PXDNL: variants seen among roughly 807,000 people sequenced by gnomAD.
PXDNL encodes the protein probable oxidoreductase PXDNL.
A neutral mutation model predicts 150.8 loss-of-function variants in PXDNL; 145 were observed. That is an observed-to-expected ratio of 0.96 (90% CI 0.84 to 1.10). The LOEUF (loss-of-function observed/expected upper bound fraction) is 1.10, where lower values mean the gene tolerates loss of function less well. PXDNL is among the 50% of genes least tolerant of loss of function. The probability of loss-of-function intolerance (pLI) is 0.00; values close to 1 mark genes in which losing one functional copy is unlikely to be tolerated. For missense variants in PXDNL, 2,087 were observed against 1,873.9 expected (o/e 1.11, Z -2.10); for synonymous variants, 757 against 725.7 (o/e 1.04, Z -0.69).
chr8:51,455,576 T>C (rs1250614313), intron 9 of PXDNL, among the ~76,000 whole-genome samples: 1 of 152,054 alleles, frequency 6.6e-6, no homozygotes, highest in South Asian at 2.1e-4. Flanking sequence ...AGGACAGCGC[T>C]ATAAGGAACA....
intron 3 of PXDNL, among the ~76,000 whole-genome samples, chr8:51,563,861 G>A (rs925801348): frequency 6.6e-6 from 1 of 151,876 alleles, no homozygotes; most frequent in African/African-American, 2.4e-5. Flanking sequence ...ACAGAGCAAT[G>A]TAACTTTCTA....
At chr8:51,699,387 C>G (rs942985503) in intron 1 of PXDNL, among the ~76,000 whole-genome samples, 1 of 152,198 alleles carries the variant, frequency 6.6e-6, no homozygotes, top group African/African-American at 2.4e-5. Flanking sequence ...CTAGCTTTCT[C>G]AAATCTCCCA....
intron 12 of PXDNL, among the ~76,000 whole-genome samples, chr8:51,437,210 A>C (rs1809428302): frequency 1.3e-5 from 2 of 152,184 alleles, no homozygotes; most frequent in South Asian, 4.1e-4. Context: ...GTAATAAAAA[A>C]TTTGTCAACA....
At position 51,423,646 on chromosome 8, in the gene PXDNL, T is replaced by C. The variant is rs1809014289; in HGVS notation, c.1724A>G (p.Gln575Arg). The C allele has an allele frequency of 6.2e-7, 1 of 1,613,856 alleles. No homozygotes were observed. The highest frequency in any genetic ancestry group is 8.5e-7 in the Non-Finnish European group (1 of 1,179,868). Residue 575 changes from glutamine to arginine, a missense_variant, in exon 14 of 23, where the codon CAG becomes CGG. Gln to Arg is a conservative substitution (Grantham distance 43). Transcript: ENST00000356297. ...LTIYDAGFPD[Q>R]GRYECVARNS... ...CCGAGCCACACATTCATATCTTCCC[T>C]GGTCAGGGAACCCTGCGTCGTAGAT... is the stretch of plus-strand genomic sequence containing the variant.
rs1279460078 is a variant in PXDNL, at chr8:51,809,373, A to AAGCAGCCGGAGGGAGAGC, written c.-47_-30dup. On this transcript the variant is annotated 5_prime_UTR_variant, in exon 1 of 23. Transcript: ENST00000356297. ...TCCATTCGCTGCTGGCCACGCGAAG[A>AAGCAGCCGGAGGGAGAGC]AGCAGCCGGAGGGAGAGCAGCAGCT... The AAGCAGCCGGAGGGAGAGC allele has an allele frequency of 7.9e-6, 12 of 1,512,084 alleles. No homozygotes were observed. The highest frequency in any genetic ancestry group is 6.9e-5 in the Admixed American group (3 of 43,356). The allele number at this position is 1,512,084 out of a possible 1,614,324, so 93.7% of individuals were successfully genotyped here. A position where few individuals can be genotyped will look rare whatever the true frequency, so the allele number is the denominator to read the frequency against.
At chr8:51,763,320 TAA>T (rs58440027) in intron 1 of PXDNL, among the ~76,000 whole-genome samples, 25 of 141,664 alleles carry the variant, frequency 1.8e-4, no homozygotes, top group African/African-American at 2.3e-4. Flanking sequence ...CTTAAAGTAT[TAA>T]AAAAAAAAAA....
chr8:51,584,109 G>A (rs948132462), intron 3 of PXDNL, among the ~76,000 whole-genome samples: 37 of 152,148 alleles, frequency 2.4e-4, no homozygotes, highest in African/African-American at 8.9e-4. Flanking sequence ...TTACTTCCTT[G>A]AAGATTGGGC....
chr8:51,477,232 T>G (rs79487577), intron 6 of PXDNL, among the ~76,000 whole-genome samples: 7,983 of 152,336 alleles, frequency 0.052, 325 homozygotes, highest in South Asian at 0.12. Context: ...TTTTATTATA[T>G]TACCCTGAAA....
At chr8:51,799,474 A>T (rs2037596770) in intron 1 of PXDNL, among the ~76,000 whole-genome samples, 1 of 152,248 alleles carries the variant, frequency 6.6e-6, no homozygotes, top group South Asian at 2.1e-4. Flanking sequence ...TATAACCAAC[A>T]TTGGGAAGTG....
intron 17 of PXDNL, among the ~76,000 whole-genome samples, chr8:51,403,088 C>CAAAAAAAAAAAAA (rs201970177): frequency 1.9e-5 from 1 of 52,874 alleles, no homozygotes; most frequent in African/African-American, 7.5e-5. Flanking sequence ...ACTCCCTCTC[C>CAAAAAAAAAAAAA]AAAAAAAAAA....
At chr8:51,471,536 C>G (rs1810333520) in intron 8 of PXDNL, among the ~76,000 whole-genome samples, 1 of 152,120 alleles carries the variant, frequency 6.6e-6, no homozygotes, top group Non-Finnish European at 1.5e-5. Context: ...CAGTTTAAAT[C>G]TGAAACAACT....
At chr8:51,540,959 T>C (rs1027728098) in intron 4 of PXDNL, among the ~76,000 whole-genome samples, 12 of 151,812 alleles carry the variant, frequency 7.9e-5, no homozygotes, top group Admixed American at 1.3e-4. Flanking sequence ...ATTTTTTTTT[T>C]CAAGAATATT....
In PXDNL at chr8:51,408,759, C is replaced by T. The variant is rs1217455823; in HGVS notation, c.2865G>A (p.Leu955=). ...ARQEQESPCF[L]AGDHRANEHL... ...GCTCGTTGGCCCGGTGGTCCCCGGCCAGGAAACAGGGGCTCTCCTGCTCCT... is the reference window on the plus strand; with the variant it reads ...GCTCGTTGGCCCGGTGGTCCCCGGCTAGGAAACAGGGGCTCTCCTGCTCCT... The change falls in exon 17 of 23, where the codon CTG becomes CTA. Residue 955 remains leucine (L), a synonymous_variant. Transcript: ENST00000356297. 6.3e-7 allele frequency: 1 copy of T among 1,585,912 alleles called. No homozygotes were observed. The highest frequency in any genetic ancestry group is 1.3e-5 in the African/African-American group (1 of 74,354).
intron 2 of PXDNL, among the ~76,000 whole-genome samples, chr8:51,619,848 T>C (rs1280467430): frequency 6.6e-6 from 1 of 152,202 alleles, no homozygotes; most frequent in Non-Finnish European, 1.5e-5. Context: ...CTGTTAGCAT[T>C]AGATGATACC....
chr8:51,694,947 A>C (rs766799296), intron 1 of PXDNL, among the ~76,000 whole-genome samples: 8 of 152,244 alleles, frequency 5.3e-5, no homozygotes, highest in Non-Finnish European at 5.9e-5. Flanking sequence ...TTCTGGCTAC[A>C]GAGAAGTTGA....
At chr8:51,509,769 CACACAA>C (rs1811372010) in intron 4 of PXDNL, among the ~76,000 whole-genome samples, 1 of 135,760 alleles carries the variant, frequency 7.4e-6, no homozygotes, top group South Asian at 2.3e-4. Flanking sequence ...CACACACACA[CACACAA>C]ATATATACAC....
chr8:51,705,146 T>C (rs1816350199), intron 1 of PXDNL, among the ~76,000 whole-genome samples: 1 of 152,214 alleles, frequency 6.6e-6, no homozygotes, highest in Non-Finnish European at 1.5e-5. Context: ...GAAGCTTTGA[T>C]TCTCAGGCAT....
intron 1 of PXDNL, among the ~76,000 whole-genome samples, chr8:51,759,779 G>A (rs1475721185): frequency 1.3e-5 from 2 of 152,232 alleles, no homozygotes; most frequent in East Asian, 1.9e-4. Context: ...CTAGACAGAT[G>A]TCTGAACATT....
chr8:51,342,715 C>T (rs544572794), intron 20 of PXDNL, among the ~76,000 whole-genome samples: 32 of 152,164 alleles, frequency 2.1e-4, no homozygotes, highest in African/African-American at 7.0e-4. Flanking sequence ...AGGCAGGAGT[C>T]GAAGTGCTAG....
Sources: allele counts gnomAD v4.1 joint callset (sites outside exome capture counted in the v4.1 genomes callset), GRCh38; gene constraint gnomAD v4.1.1; transcripts MANE v1.5; gene names NCBI Gene and HGNC (gene_info 2026-07-23, HGNC 2026-07-21).